Variants in RNF150 observed in about 807,000 individuals in gnomAD.
RNF150 encodes the protein ring finger protein 150.
RNF150 carries 24 observed loss-of-function variants against 39.3 expected under a neutral mutation model. That is an observed-to-expected ratio of 0.61 (90% CI 0.44 to 0.86). RNF150 has a LOEUF of 0.86. Among genes scored for constraint, RNF150 ranks in the 40% least tolerant of loss-of-function variants. RNF150 has a pLI of 0.00. For synonymous variants in RNF150, 255 were observed against 227.3 expected, an observed-to-expected ratio of 1.12 and a Z score of -1.10; for missense variants, 502 against 587.8, an observed-to-expected ratio of 0.85 and a Z score of 1.51.
chr4:141,097,392 C>G (rs567637361), intron 1 of RNF150, among the ~76,000 whole-genome samples: 1 of 152,250 alleles, frequency 6.6e-6, no homozygotes, highest in African/African-American at 2.4e-5. Context: ...TATAGTTGGG[C>G]ATAATCAGTG....
chr4:140,890,045 C>A (rs1465227445), intron 6 of RNF150, among the ~76,000 whole-genome samples: 4 of 152,124 alleles, frequency 2.6e-5, no homozygotes, highest in African/African-American at 9.7e-5. Context: ...TTGTGTCTCA[C>A]CACTAGTTTC....
At chr4:141,123,638 G>C (rs1726674087) in intron 1 of RNF150, among the ~76,000 whole-genome samples, 1 of 152,126 alleles carries the variant, frequency 6.6e-6, no homozygotes, top group East Asian at 1.9e-4. Flanking sequence ...TGCCATGTTG[G>C]TGTGTTGCAC....
rs539577955 is a variant in RNF150, at chr4:141,207,249, G to C, written c.-6+5545C>G. Among the ~76,000 whole-genome samples, 121 of 143,852 alleles carry C rather than the reference G, an allele frequency of 8.4e-4. 2 individuals carry two copies. The highest frequency in any genetic ancestry group is 2.9e-3 in the African/African-American group (118 of 40,150). 94.4% of individuals were successfully genotyped at this position (143,852 alleles called of 152,430 possible). A position where few individuals can be genotyped will look rare whatever the true frequency, so the allele number is the denominator to read the frequency against. On this transcript the variant is annotated intron_variant, in intron 1 of 7. Transcript: ENST00000420921. ...TTAACCATCACACAGATTAATTAGA[G>C]ATAAATTAAAATAGAGAGGTTATAC...
chr4:141,186,768 G>T (rs997636917), intron 1 of RNF150, among the ~76,000 whole-genome samples: 1 of 151,858 alleles, frequency 6.6e-6, no homozygotes, highest in Non-Finnish European at 1.5e-5. Flanking sequence ...CTGGCTAGTG[G>T]TCCACCTATT....
chr4:141,202,218 C>T (rs1162594332), intron 1 of RNF150, among the ~76,000 whole-genome samples: 2 of 152,030 alleles, frequency 1.3e-5, no homozygotes, highest in African/African-American at 4.8e-5. Flanking sequence ...TCTCAGAATC[C>T]AAGGAAAAAT....
chr4:140,999,975 GAAAAGAAGAAAAGAAGAA>G (rs796646306), intron 1 of RNF150, among the ~76,000 whole-genome samples: 3,079 of 40,166 alleles, frequency 0.077, 273 homozygotes, highest in East Asian at 0.14. Flanking sequence ...AGAAGAAGAA[GAAAAGAAGAAAAGAAGAA>G]AAGAAGAAGA....
chr4:141,079,457 G>T (rs1387799881), intron 1 of RNF150, among the ~76,000 whole-genome samples: 2 of 152,120 alleles, frequency 1.3e-5, no homozygotes, highest in African/African-American at 4.8e-5. Context: ...CCAAATTCCA[G>T]TTCCATCCCT....
At chr4:140,964,824 AC>A (rs1733172601) in intron 2 of RNF150, among the ~76,000 whole-genome samples, 1 of 152,100 alleles carries the variant, frequency 6.6e-6, no homozygotes, top group South Asian at 2.1e-4. Flanking sequence ...ATTCTAGAGT[AC>A]TAAAAACAAG....
At chr4:141,155,942 G>A (rs1440823744) in intron 1 of RNF150, among the ~76,000 whole-genome samples, 1 of 152,096 alleles carries the variant, frequency 6.6e-6, no homozygotes, top group African/African-American at 2.4e-5. Flanking sequence ...TGGTTAGTGA[G>A]GGAGGAGGAA....
intron 1 of RNF150, among the ~76,000 whole-genome samples, chr4:141,151,532 A>G (rs181434411): frequency 9.5e-4 from 144 of 152,064 alleles, no homozygotes; most frequent in African/African-American, 3.2e-3. Flanking sequence ...GTTATATACA[A>G]TTATTACACT....
At chr4:141,141,911 G>T (rs1007233761) in intron 1 of RNF150, among the ~76,000 whole-genome samples, 39 of 152,178 alleles carry the variant, frequency 2.6e-4, no homozygotes, top group African/African-American at 9.2e-4. Context: ...GAACATTGGG[G>T]TGACAAAAGT....
At chr4:141,129,825 A>G (rs949476321) in intron 1 of RNF150, among the ~76,000 whole-genome samples, 20 of 152,256 alleles carry the variant, frequency 1.3e-4, no homozygotes, top group Admixed American at 3.3e-4. Context: ...GAATTTCAAG[A>G]TACACAAATG....
chr4:140,950,739 T>C (rs1043041064), intron 2 of RNF150, among the ~76,000 whole-genome samples: 2 of 152,222 alleles, frequency 1.3e-5, no homozygotes, highest in African/African-American at 4.8e-5. Context: ...ACGTGGCACT[T>C]CTCTAAGTAC....
At chr4:140,868,786 G>T (rs1293416296) in intron 6 of RNF150, among the ~76,000 whole-genome samples, 1 of 151,936 alleles carries the variant, frequency 6.6e-6, no homozygotes, top group South Asian at 2.1e-4. Context: ...TTTCACAAAG[G>T]TTTCTATTCT....
At chr4:140,932,036 C>A (rs574802246) in intron 4 of RNF150, among the ~76,000 whole-genome samples, 1 of 152,334 alleles carries the variant, frequency 6.6e-6, no homozygotes, top group Admixed American at 6.5e-5. Flanking sequence ...TGGACCCTAA[C>A]ACCCTGCAAG....
At chr4:140,936,478 C>G (rs183080266) in intron 4 of RNF150, among the ~76,000 whole-genome samples, 40 of 152,098 alleles carry the variant, frequency 2.6e-4, no homozygotes, top group East Asian at 9.7e-4. Context: ...TTTTTATAAA[C>G]TATTTGAGTG....
At chr4:141,151,828 A>G (rs1479559130) in intron 1 of RNF150, among the ~76,000 whole-genome samples, 1 of 152,218 alleles carries the variant, frequency 6.6e-6, no homozygotes. Context: ...ATGTGTTCCC[A>G]TGATAAAATA....
chr4:141,078,579 A>AT (rs1230157191), intron 1 of RNF150, among the ~76,000 whole-genome samples: 6 of 151,598 alleles, frequency 4.0e-5, no homozygotes, highest in Admixed American at 3.9e-4. Context: ...GTCAGGAGAT[A>AT]GACCATCCTG....
At chr4:140,937,725 T>C (rs755362591) in intron 4 of RNF150, among the ~76,000 whole-genome samples, 5 of 151,936 alleles carry the variant, frequency 3.3e-5, no homozygotes, top group Non-Finnish European at 7.4e-5. Context: ...TAATAATGAT[T>C]ATTTCTGGGT....
Sources: allele counts gnomAD v4.1 joint callset (sites outside exome capture counted in the v4.1 genomes callset), GRCh38; gene constraint gnomAD v4.1.1; transcripts MANE v1.5; gene names NCBI Gene and HGNC (gene_info 2026-07-23, HGNC 2026-07-21).